SORCS1: variants seen among roughly 807,000 people sequenced by gnomAD.
SORCS1 encodes the protein sortilin related VPS10 domain containing receptor 1.
Under a neutral mutation model 146.1 loss-of-function variants are expected in SORCS1, and 60 were observed. The ratio of observed to expected loss-of-function variants is 0.41; its 90% confidence interval spans 0.33 to 0.51. The LOEUF is 0.51. Among genes scored for constraint, SORCS1 ranks in the 20% least tolerant of loss-of-function variants. The pLI, the probability that SORCS1 is intolerant of heterozygous loss-of-function variation, is 0.21. For synonymous variants in SORCS1, 637 were observed against 584.0 expected, an observed-to-expected ratio of 1.09 and a Z score of -1.31; for missense variants, 1,352 against 1,487.6, an observed-to-expected ratio of 0.91 and a Z score of 1.50.
intron 2 of SORCS1, among the ~76,000 whole-genome samples, chr10:106,867,843 A>G (rs1015059042): frequency 4.6e-5 from 7 of 152,210 alleles, no homozygotes; most frequent in African/African-American, 1.7e-4. Context: ...GACAGGATCA[A>G]ATCCACACAT....
chr10:106,660,460 A>C (rs1850639480), intron 17 of SORCS1, among the ~76,000 whole-genome samples: 1 of 152,136 alleles, frequency 6.6e-6, no homozygotes, highest in Non-Finnish European at 1.5e-5. Context: ...AACTATAGTC[A>C]CTCTACTGTG....
At chr10:106,586,895 G>A (rs1301559281) in intron 24 of SORCS1, among the ~76,000 whole-genome samples, 2 of 152,196 alleles carry the variant, frequency 1.3e-5, no homozygotes, top group African/African-American at 2.4e-5. Flanking sequence ...GTTCAAGGCT[G>A]TAGTGAGCTA....
At chr10:106,989,104 CAAAA>C (rs111258873) in intron 1 of SORCS1, among the ~76,000 whole-genome samples, 2 of 109,352 alleles carry the variant, frequency 1.8e-5, no homozygotes, top group African/African-American at 6.4e-5. Flanking sequence ...ACTAAAAATA[CAAAA>C]AAAAAAAAAA....
chr10:107,040,764 G>T (rs150447000), intron 1 of SORCS1, among the ~76,000 whole-genome samples: 1 of 152,154 alleles, frequency 6.6e-6, no homozygotes, highest in African/African-American at 2.4e-5. Flanking sequence ...AAAAGGATTT[G>T]GTAGCAGCAG....
intron 3 of SORCS1, among the ~76,000 whole-genome samples, chr10:106,800,174 C>A (rs1429689631): frequency 6.6e-6 from 1 of 151,990 alleles, no homozygotes; most frequent in African/African-American, 2.4e-5. Context: ...GAGGGTGATA[C>A]CTTCTAACAC....
chr10:106,632,319 C>T (rs1293532044), intron 18 of SORCS1, among the ~76,000 whole-genome samples: 2 of 152,174 alleles, frequency 1.3e-5, no homozygotes, highest in Non-Finnish European at 2.9e-5. Flanking sequence ...TAAAGGTGAA[C>T]AAACTGGATT....
intron 2 of SORCS1, among the ~76,000 whole-genome samples, chr10:106,923,402 A>C (rs1220992702): frequency 3.9e-5 from 6 of 152,222 alleles, no homozygotes; most frequent in Non-Finnish European, 7.3e-5. Context: ...CCACTTACCA[A>C]AGGACATCTT....
At chr10:106,897,453 T>C (rs993438694) in intron 2 of SORCS1, among the ~76,000 whole-genome samples, 18 of 151,972 alleles carry the variant, frequency 1.2e-4, no homozygotes, top group African/African-American at 3.6e-4. Context: ...ATGTGTGTCC[T>C]ACATTAAAAA....
intron 2 of SORCS1, among the ~76,000 whole-genome samples, chr10:106,911,969 C>T (rs535142813): frequency 7.2e-4 from 110 of 151,924 alleles, no homozygotes; most frequent in African/African-American, 2.5e-3. Context: ...AAAAATTAGC[C>T]GGGTGTTGTG....
intron 5 of SORCS1, among the ~76,000 whole-genome samples, chr10:106,752,261 A>T (rs1858312276): frequency 6.6e-6 from 1 of 152,154 alleles, no homozygotes; most frequent in Non-Finnish European, 1.5e-5. Flanking sequence ...GAAGAAAGAG[A>T]TTTCTTTTGT....
chr10:107,052,418 C>A (rs1590026268), intron 1 of SORCS1, among the ~76,000 whole-genome samples: 1 of 152,200 alleles, frequency 6.6e-6, no homozygotes, highest in East Asian at 1.9e-4. Context: ...TATTGGGATT[C>A]TTTTTTTAAG....
At chr10:107,055,219 C>G (rs917321568) in intron 1 of SORCS1, among the ~76,000 whole-genome samples, 2 of 152,304 alleles carry the variant, frequency 1.3e-5, no homozygotes, top group Non-Finnish European at 2.9e-5. Context: ...ATCAACAGCT[C>G]TTTTATCCCT....
intron 3 of SORCS1, among the ~76,000 whole-genome samples, chr10:106,808,298 G>A (rs915121798): frequency 3.3e-5 from 5 of 152,114 alleles, no homozygotes; most frequent in African/African-American, 9.7e-5. Context: ...AATTACAGGC[G>A]TAAGCCACCG....
the SORCS1 span, among the ~76,000 whole-genome samples, chr10:107,177,398 T>C: frequency 6.6e-6 from 1 of 152,204 alleles, no homozygotes; most frequent in Non-Finnish European, 1.5e-5. Context: ...AATCAGGATA[T>C]TGATATTATG....
intron 1 of SORCS1, among the ~76,000 whole-genome samples, chr10:106,970,689 G>C (rs1054195518): frequency 6.6e-6 from 1 of 151,594 alleles, no homozygotes; most frequent in Non-Finnish European, 1.5e-5. Context: ...ACCTCAACCT[G>C]ATCTGGGCTA....
chr10:106,971,560 G>T (rs1288021973), intron 1 of SORCS1, among the ~76,000 whole-genome samples: 1 of 152,182 alleles, frequency 6.6e-6, no homozygotes, highest in Non-Finnish European at 1.5e-5. Flanking sequence ...ATTTCCTCTT[G>T]AAAGCTTAGG....
At chr10:106,578,976 T>C (rs1844729620) in intron 25 of SORCS1, 3 of 1,460,976 alleles carry the variant, frequency 2.1e-6, no homozygotes, top group Non-Finnish European at 2.7e-6. Flanking sequence ...TAGCTGTTTC[T>C]CTCAGGGGTG....
chr10:106,750,875 C>A (rs1858146797), intron 5 of SORCS1, among the ~76,000 whole-genome samples: 1 of 149,070 alleles, frequency 6.7e-6, no homozygotes, highest in African/African-American at 2.5e-5. Context: ...CTGGCTAACA[C>A]GGTGAAACCC....
intron 4 of SORCS1, among the ~76,000 whole-genome samples, chr10:106,771,748 G>C (rs1228437595): frequency 6.6e-6 from 1 of 152,128 alleles, no homozygotes; most frequent in African/African-American, 2.4e-5. Flanking sequence ...CTCTATAATT[G>C]TATCTATAAT....
Sources: gnomAD v4.1 joint callset for allele counts (sites outside exome capture counted in the v4.1 genomes callset) on GRCh38, gnomAD v4.1.1 for gene constraint, MANE v1.5 for transcripts, NCBI Gene and HGNC (gene_info 2026-07-23, HGNC 2026-07-21) for gene names.